The following PRKACB variants were observed in gnomAD, a reference collection of about 807,000 sequenced individuals.
The protein encoded by PRKACB is cAMP-dependent protein kinase catalytic subunit beta.
In PRKACB, 16 loss-of-function variants were observed where a neutral mutation model predicts 51.4. The observed-to-expected ratio is 0.31, with a 90% CI of 0.21 to 0.47. The LOEUF (loss-of-function observed/expected upper bound fraction) is 0.47, where lower values mean the gene tolerates loss of function less well. Ranked by LOEUF, PRKACB falls within the 20% of genes least tolerant of loss-of-function variation. PRKACB has a pLI of 1.00. For missense variants in PRKACB, 309 were observed against 464.5 expected (o/e 0.67, Z 3.08); for synonymous variants, 147 against 154.4 (o/e 0.95, Z 0.35).
At chr1:84,224,010 T>C (rs1168042086) in intron 9 of PRKACB, among the ~76,000 whole-genome samples, 1 of 152,186 alleles carries the variant, frequency 6.6e-6, no homozygotes, top group African/African-American at 2.4e-5. Flanking sequence ...TGTATTATCA[T>C]GTTGGTTTGT....
At chr1:84,110,080 A>G (rs1241829267) in intron 1 of PRKACB, among the ~76,000 whole-genome samples, 4 of 151,910 alleles carry the variant, frequency 2.6e-5, no homozygotes, top group Non-Finnish European at 5.9e-5. Flanking sequence ...ATATACATGT[A>G]TGTCTATTCA....
intron 9 of PRKACB, among the ~76,000 whole-genome samples, chr1:84,234,243 G>C (rs1178735399): frequency 6.6e-6 from 1 of 152,212 alleles, no homozygotes; most frequent in African/African-American, 2.4e-5. Context: ...AGGGGTCAGG[G>C]ACCCACTTGA....
chr1:84,227,461 G>T (rs12126586), intron 9 of PRKACB, among the ~76,000 whole-genome samples: 13,446 of 151,978 alleles, frequency 0.088, 706 homozygotes, highest in African/African-American at 0.14. Flanking sequence ...AAAGATTTAT[G>T]GTGTATTTGA....
intron 1 of PRKACB, among the ~76,000 whole-genome samples, chr1:84,168,266 C>A (rs1428866129): frequency 6.6e-6 from 1 of 151,522 alleles, no homozygotes; most frequent in Non-Finnish European, 1.5e-5. Context: ...GATCACATGA[C>A]GTCTTTACTT....
intron 1 of PRKACB, among the ~76,000 whole-genome samples, chr1:84,092,016 G>A (rs1027506296): frequency 2.0e-5 from 3 of 152,162 alleles, no homozygotes; most frequent in Non-Finnish European, 1.5e-5. Flanking sequence ...GGTTTTTGTC[G>A]TAATCTACTT....
chr1:84,139,761 G>A (rs140100436), upstream of PRKACB, among the ~76,000 whole-genome samples: 940 of 152,004 alleles, frequency 6.2e-3, 9 homozygotes, highest in African/African-American at 0.022. Context: ...AAACAACTTC[G>A]AAAAAAAGGA....
At chr1:84,089,928 C>T (rs1270864135) in intron 1 of PRKACB, among the ~76,000 whole-genome samples, 1 of 152,094 alleles carries the variant, frequency 6.6e-6, no homozygotes, top group Non-Finnish European at 1.5e-5. Context: ...ATTACTTGGT[C>T]CCAAAATTCC....
At chr1:84,195,622 A>G (rs1472323094) in intron 5 of PRKACB, among the ~76,000 whole-genome samples, 1 of 152,128 alleles carries the variant, frequency 6.6e-6, no homozygotes, top group Non-Finnish European at 1.5e-5. Flanking sequence ...ATATATACAT[A>G]AAAGAACTAG....
intron 9 of PRKACB, among the ~76,000 whole-genome samples, chr1:84,218,074 G>A (rs147289599): frequency 2.7e-4 from 41 of 152,042 alleles, no homozygotes; most frequent in South Asian, 6.2e-4. Context: ...TAATATATGC[G>A]TAGTATGTGT....
chr1:84,235,324 C>A lies in PRKACB; in HGVS notation c.*19C>A. On this transcript the variant is annotated 3_prime_UTR_variant, in exon 10 of 10. Coordinates refer to ENST00000370685, the MANE Select transcript of PRKACB (RefSeq NM_182948.4). ...ATTTTAAAGAGGAACAAGATGACAT[C>A]TGAGCTCACACTCAGTGTTTGCACT... 6.2e-7 allele frequency: 1 copy of A among 1,613,792 alleles called. No individual in the cohort carries two copies. Among genetic ancestry groups the A allele is most frequent in the Non-Finnish European group, 8.5e-7 (1 of 1,179,814 alleles).
intron 8 of PRKACB, among the ~76,000 whole-genome samples, chr1:84,206,201 C>G (rs757760336): frequency 6.6e-6 from 1 of 152,050 alleles, no homozygotes; most frequent in Non-Finnish European, 1.5e-5. Flanking sequence ...AAATATTGTT[C>G]CACTCCTAAT....
At chr1:84,167,977 T>A (rs935163921) in intron 1 of PRKACB, among the ~76,000 whole-genome samples, 1 of 151,574 alleles carries the variant, frequency 6.6e-6, no homozygotes, top group Non-Finnish European at 1.5e-5. Flanking sequence ...ATAACTCTTT[T>A]TGTGAAGTTT....
At chr1:84,198,385 C>A (rs1668780094) in intron 7 of PRKACB, among the ~76,000 whole-genome samples, 1 of 152,086 alleles carries the variant, frequency 6.6e-6, no homozygotes, top group Non-Finnish European at 1.5e-5. Flanking sequence ...CCTCTGCCAT[C>A]ACTTGGTGGA....
intron 1 of PRKACB, among the ~76,000 whole-genome samples, chr1:84,177,818 A>G (rs1343596694): frequency 6.6e-6 from 1 of 152,036 alleles, no homozygotes; most frequent in Non-Finnish European, 1.5e-5. Flanking sequence ...GAATTAGATT[A>G]TATTTGGATG....
In PRKACB at chr1:84,199,465, A is replaced by G. The variant is rs575962222; in HGVS notation, c.783+1641A>G. ...ATAGCCTCCAGCTCCATCCATGTTC[A>G]TGCAAAAGACATGATCTCATTCCTT... On this transcript the variant is annotated intron_variant, in intron 7 of 9. Transcript: ENST00000370685. Among the ~76,000 whole-genome samples the G allele has an allele frequency of 5.8e-4, 89 of 152,276 alleles. 1 individual carries two copies. The South Asian group carries it at 0.018, about 30-fold the overall frequency.
intron 1 of PRKACB, among the ~76,000 whole-genome samples, chr1:84,126,441 T>A (rs1344913229): frequency 6.6e-6 from 1 of 152,148 alleles, no homozygotes; most frequent in Non-Finnish European, 1.5e-5. Context: ...GTCAAGCTGT[T>A]CCTCTGAAGT....
At chr1:84,160,798 CT>C (rs1444259869) in intron 1 of PRKACB, among the ~76,000 whole-genome samples, 1 of 151,220 alleles carries the variant, frequency 6.6e-6, no homozygotes, top group Non-Finnish European at 1.5e-5. Flanking sequence ...AAATTTCTTT[CT>C]GTTTTTATTT....
intron 1 of PRKACB, among the ~76,000 whole-genome samples, chr1:84,113,646 C>T (rs1650406575): frequency 6.6e-6 from 1 of 152,206 alleles, no homozygotes; most frequent in Non-Finnish European, 1.5e-5. Flanking sequence ...TTTATCCATA[C>T]AATTCAATAC....
chr1:84,112,269 G>A (rs1571624756), intron 1 of PRKACB, among the ~76,000 whole-genome samples: 1 of 122,784 alleles, frequency 8.1e-6, no homozygotes, highest in East Asian at 2.4e-4. Flanking sequence ...ATCTCACTCT[G>A]TCTCCCAGGC....
Sources: allele counts gnomAD v4.1 joint callset (sites outside exome capture counted in the v4.1 genomes callset), GRCh38; gene constraint gnomAD v4.1.1; transcripts MANE v1.5; gene names NCBI Gene and HGNC (gene_info 2026-07-23, HGNC 2026-07-21).